The following SOX5 variants were observed in gnomAD, a reference collection of about 807,000 sequenced individuals.
The protein encoded by SOX5 is transcription factor SOX-5.
Under a neutral mutation model 92.0 loss-of-function variants are expected in SOX5, and 9 were observed. The observed-to-expected ratio is 0.10, with a 90% CI of 0.06 to 0.17. SOX5 has a LOEUF of 0.17. SOX5 is among the 10% of genes least tolerant of loss of function. The pLI is 1.00. For missense variants in SOX5, 642 were observed against 944.5 expected (o/e 0.68, Z 4.20); for synonymous variants, 344 against 336.3 (o/e 1.02, Z -0.25).
intron 2 of SOX5, among the ~76,000 whole-genome samples, chr12:24,328,749 C>T (rs1249873527): frequency 6.6e-6 from 1 of 152,144 alleles, no homozygotes; most frequent in African/African-American, 2.4e-5. Flanking sequence ...ATGCAAACTA[C>T]CTTTATTATT....
intron 2 of SOX5, among the ~76,000 whole-genome samples, chr12:24,290,602 G>C (rs1350202958): frequency 6.6e-6 from 1 of 152,152 alleles, no homozygotes; most frequent in East Asian, 1.9e-4. Flanking sequence ...AGCCCATCTT[G>C]TGTCCTCCTA....
At chr12:23,624,796 T>C (rs2077569230) in intron 8 of SOX5, among the ~76,000 whole-genome samples, 1 of 152,184 alleles carries the variant, frequency 6.6e-6, no homozygotes, top group South Asian at 2.1e-4. Context: ...ATAGCCAATT[T>C]TACTGTATAA....
At chr12:23,708,743 G>A (rs146909896) in intron 6 of SOX5, among the ~76,000 whole-genome samples, 3 of 152,218 alleles carry the variant, frequency 2.0e-5, no homozygotes, top group African/African-American at 7.2e-5. Flanking sequence ...CACGCACAAC[G>A]TTATAGAAAA....
At chr12:23,863,805 C>T (rs1595156985) in intron 2 of SOX5, among the ~76,000 whole-genome samples, 1 of 29,250 alleles carries the variant, frequency 3.4e-5, no homozygotes, top group Non-Finnish European at 9.3e-5. Context: ...CACACACACA[C>T]ACACACACAC....
chr12:24,501,919 G>A (rs1022857451), intron 1 of SOX5, among the ~76,000 whole-genome samples: 1 of 152,012 alleles, frequency 6.6e-6, no homozygotes, highest in Admixed American at 6.6e-5. Context: ...ATTAATTGTC[G>A]ATAAAAACTG....
intron 8 of SOX5, chr12:23,638,053 T>C (rs1003769251): frequency 6.6e-6 from 1 of 151,422 alleles, no homozygotes; most frequent in East Asian, 1.9e-4. Context: ...TCCTGGCCAA[T>C]AGTGGTGACA....
chr12:24,005,819 T>C lies in SOX5; in HGVS notation c.-1-109795A>G, dbSNP rs148166958. Reference sequence around the variant, plus strand: ...TATTTTAAAAACCTTTTTATTAAAATACAGAGAAGCTAAATATAGCAAAAT... The same window carrying C: ...TATTTTAAAAACCTTTTTATTAAAACACAGAGAAGCTAAATATAGCAAAAT... On this transcript the variant is annotated intron_variant, in intron 4 of 4. Coordinates refer to the SOX5 transcript ENST00000446891. Among the ~76,000 whole-genome samples the C allele has an allele frequency of 3.8e-3, 584 of 152,290 alleles. 8 individuals are homozygous for C. The highest frequency in any genetic ancestry group is 0.013 in the African/African-American group (538 of 41,552).
At chr12:24,349,857 T>C (rs931085524) in intron 2 of SOX5, among the ~76,000 whole-genome samples, 7 of 152,212 alleles carry the variant, frequency 4.6e-5, no homozygotes, top group Admixed American at 2.6e-4. Context: ...GAGGGACTGC[T>C]GTACTGTGTT....
At position 23,532,340 on chromosome 12, in the gene SOX5, A is replaced by C. The variant is rs1048346617; in HGVS notation, c.*1879T>G. The C allele has an allele frequency of 6.6e-6, 1 of 152,166 alleles. No homozygotes were observed. The highest frequency in any genetic ancestry group is 2.1e-4 in the South Asian group (1 of 4,834). 9.4% of individuals were successfully genotyped at this position (152,166 alleles called of 1,614,324 possible). A position where few individuals can be genotyped will look rare whatever the true frequency, so the allele number is the denominator to read the frequency against. ...TATTTATATGTAAAAATCCAACTTT[A>C]GGGTGGTGTTTCGGGGGGTGAGATA... On this transcript the variant is annotated 3_prime_UTR_variant, in exon 15 of 15. Coordinates refer to ENST00000451604, the MANE Select transcript of SOX5 (RefSeq NM_006940.6).
intron 4 of SOX5, among the ~76,000 whole-genome samples, chr12:24,206,755 T>G (rs193217491): frequency 2.4e-3 from 360 of 152,304 alleles, no homozygotes; most frequent in Non-Finnish European, 4.5e-3. Flanking sequence ...AACTGAAAGC[T>G]TTCCTGTGCA....
At chr12:23,741,216 A>G (rs1274112790) in intron 4 of SOX5, among the ~76,000 whole-genome samples, 177 bp from the exon 5 acceptor site, 1 of 152,194 alleles carries the variant, frequency 6.6e-6, no homozygotes, top group Non-Finnish European at 1.5e-5. Flanking sequence ...CAATTTACCT[A>G]TTACAAAATA....
intron 3 of SOX5, among the ~76,000 whole-genome samples, chr12:24,250,160 G>A (rs999858054): frequency 6.6e-6 from 1 of 152,162 alleles, no homozygotes; most frequent in African/African-American, 2.4e-5. Context: ...GTAGAAAAGA[G>A]TTGCTACTAC....
chr12:23,916,026 C>A (rs2097411742), intron 1 of SOX5, among the ~76,000 whole-genome samples: 1 of 152,064 alleles, frequency 6.6e-6, no homozygotes, highest in African/African-American at 2.4e-5. Context: ...ATCTGAGGAC[C>A]ATGAGGTTAA....
At chr12:23,883,266 T>C (rs1802904013) in intron 2 of SOX5, among the ~76,000 whole-genome samples, 2 of 152,140 alleles carry the variant, frequency 1.3e-5, no homozygotes, top group South Asian at 4.2e-4. Context: ...TGAGTTTGCA[T>C]CTCATGTTCA....
intron 1 of SOX5, among the ~76,000 whole-genome samples, chr12:24,422,977 C>G (rs1312282307): frequency 6.6e-6 from 1 of 152,188 alleles, no homozygotes; most frequent in Admixed American, 6.5e-5. Context: ...CACCACTGCA[C>G]TCCAGCCTGG....
intron 1 of SOX5, among the ~76,000 whole-genome samples, chr12:23,930,091 C>G (rs1941057297): frequency 6.6e-6 from 1 of 151,766 alleles, no homozygotes; most frequent in African/African-American, 2.4e-5. Flanking sequence ...GAATGAAGGG[C>G]ATTAAAAGTA....
At chr12:24,418,954 G>T (rs903173886) in intron 1 of SOX5, among the ~76,000 whole-genome samples, 1 of 152,100 alleles carries the variant, frequency 6.6e-6, no homozygotes, top group Non-Finnish European at 1.5e-5. Context: ...TGAAAAAATG[G>T]AGTAGTTGTC....
intron 3 of SOX5, among the ~76,000 whole-genome samples, chr12:23,835,794 G>A (rs2096405045): frequency 6.6e-6 from 1 of 151,632 alleles, no homozygotes; most frequent in South Asian, 2.1e-4. Context: ...ATTGGTTAAG[G>A]GCATAGATTC....
At position 24,397,592 on chromosome 12, in the gene SOX5, G is replaced by A. The variant is rs1259008512; in HGVS notation, c.-250-28953C>T. Among the ~76,000 whole-genome samples the A allele has an allele frequency of 2.6e-5, 4 of 151,840 alleles. No homozygotes were observed. The East Asian group carries it at 7.7e-4, about 29-fold the overall frequency. The stretch of plus-strand genomic sequence containing the variant: ...TCTGTGGATATATGTGTATTGTAGA[G>A]GGGCCAAAGTTTATACAGTTTTAGA... On this transcript the variant is annotated intron_variant, in intron 1 of 4. Coordinates refer to the SOX5 transcript ENST00000446891.
Sources: allele counts gnomAD v4.1 joint callset (sites outside exome capture counted in the v4.1 genomes callset), GRCh38; gene constraint gnomAD v4.1.1; transcripts MANE v1.5; gene names NCBI Gene and HGNC (gene_info 2026-07-23, HGNC 2026-07-21).